BANK1: variants seen among roughly 807,000 people sequenced by gnomAD.
The protein encoded by BANK1 is B-cell scaffold protein with ankyrin repeats.
BANK1 carries 95 observed loss-of-function variants against 94.5 expected under a neutral mutation model. The ratio of observed to expected loss-of-function variants is 1.00; its 90% CI spans 0.85 to 1.19. The LOEUF (loss-of-function observed/expected upper bound fraction) is 1.19, where lower values mean the gene tolerates loss of function less well. Among genes scored for constraint, BANK1 ranks in the 50% most tolerant of loss-of-function variants. BANK1 has a pLI of 0.00. For synonymous variants in BANK1, 334 were observed against 308.4 expected (o/e 1.08, Z -0.87); for missense variants, 987 against 932.2 (o/e 1.06, Z -0.77).
At chr4:102,053,768 C>T (rs779552007) in intron 11 of BANK1, among the ~76,000 whole-genome samples, 5 of 151,294 alleles carry the variant, frequency 3.3e-5, no homozygotes, top group East Asian at 1.9e-4. Flanking sequence ...AAGAAAAATA[C>T]GTAATGTAAC....
At chr4:101,794,961 A>G (rs1184920702) in intron 1 of BANK1, among the ~76,000 whole-genome samples, 1 of 152,048 alleles carries the variant, frequency 6.6e-6, no homozygotes, top group Non-Finnish European at 1.5e-5. Context: ...CATATTATTA[A>G]TTCCCATTGC....
At chr4:101,852,468 G>A (rs977235479) in intron 2 of BANK1, among the ~76,000 whole-genome samples, 9 of 64,872 alleles carry the variant, frequency 1.4e-4, no homozygotes, top group Non-Finnish European at 1.9e-4. Context: ...AATATTTTTC[G>A]GCTATATATA....
chr4:102,007,992 TAGA>T lies in BANK1; in HGVS notation c.1207-13517_1207-13515del, dbSNP rs925147783. On this transcript the variant is annotated intron_variant, in intron 7 of 16. Coordinates refer to ENST00000322953, the MANE Select transcript of BANK1 (RefSeq NM_017935.5). ...TAAACTTTCATTTTCATTTATAGAGTAGAAGAACTTTAAACTGTAGTCAAATAT... is the reference window on the plus strand; with the variant it reads ...TAAACTTTCATTTTCATTTATAGAGTAGAACTTTAAACTGTAGTCAAATAT... 1.1e-4 allele frequency among the ~76,000 whole-genome samples: 16 copies of T among 152,258 alleles called. No individual in the cohort carries two copies. The East Asian group carries it at 2.3e-3, about 22-fold the overall frequency.
chr4:101,892,645 C>T (rs1346464019), intron 5 of BANK1, among the ~76,000 whole-genome samples: 2 of 151,786 alleles, frequency 1.3e-5, no homozygotes, highest in African/African-American at 4.8e-5. Flanking sequence ...AGTTCATTAA[C>T]TAAAGTCTTA....
At chr4:101,791,041 CG>C (rs1724965208) in intron 1 of BANK1, 91 bp downstream of exon 1, 2 of 1,076,506 alleles carry the variant, frequency 1.9e-6, no homozygotes, top group Admixed American at 6.3e-5. Flanking sequence ...CAACTGCACT[CG>C]GGCACTGAGG....
intron 6 of BANK1, among the ~76,000 whole-genome samples, chr4:101,898,668 A>G (rs1180327902): frequency 1.3e-5 from 2 of 152,044 alleles, no homozygotes; most frequent in Non-Finnish European, 2.9e-5. Flanking sequence ...GTGAAATGCT[A>G]TATCAACCAA....
At chr4:102,010,005 G>A (rs759106204) in intron 7 of BANK1, among the ~76,000 whole-genome samples, 4 of 152,140 alleles carry the variant, frequency 2.6e-5, no homozygotes, top group Non-Finnish European at 4.4e-5. Context: ...CGTGGCTCAC[G>A]CCTGTAATCC....
chr4:102,033,539 C>G (rs1221954735), intron 10 of BANK1, among the ~76,000 whole-genome samples: 1 of 152,122 alleles, frequency 6.6e-6, no homozygotes, highest in African/African-American at 2.4e-5. Context: ...TTTGTACATG[C>G]AATGTTGCAA....
intron 1 of BANK1, among the ~76,000 whole-genome samples, chr4:101,823,582 A>G (rs1726255471): frequency 6.6e-6 from 1 of 152,230 alleles, no homozygotes; most frequent in Admixed American, 6.5e-5. Context: ...TGGGCCAACT[A>G]GACATAAAAA....
At chr4:101,848,206 G>T (rs540360604) in intron 2 of BANK1, among the ~76,000 whole-genome samples, 7 of 152,160 alleles carry the variant, frequency 4.6e-5, no homozygotes, top group African/African-American at 1.4e-4. Context: ...CATAGTTTTG[G>T]GGGGGGTCTC....
chr4:102,064,448 A>T, intron 13 of BANK1, among the ~76,000 whole-genome samples: 1 of 152,310 alleles, frequency 6.6e-6, no homozygotes, highest in Non-Finnish European at 1.5e-5. Flanking sequence ...TATCACCTAT[A>T]CATTATTGTT....
intron 6 of BANK1, among the ~76,000 whole-genome samples, chr4:101,896,984 G>A (rs1331742004): frequency 6.6e-6 from 1 of 151,906 alleles, no homozygotes; most frequent in African/African-American, 2.4e-5. Flanking sequence ...ATGTTCCAAT[G>A]TATACTTAAT....
intron 10 of BANK1, among the ~76,000 whole-genome samples, chr4:102,031,287 G>T (rs1276973780): frequency 1.3e-5 from 2 of 151,956 alleles, no homozygotes; most frequent in Non-Finnish European, 2.9e-5. Context: ...TTGATGGGGG[G>T]TTGTTTTTTC....
At chr4:101,861,099 A>G (rs1424883583) in intron 3 of BANK1, among the ~76,000 whole-genome samples, 1 of 151,818 alleles carries the variant, frequency 6.6e-6, no homozygotes, top group Non-Finnish European at 1.5e-5. Flanking sequence ...GTGGGGCAAG[A>G]GCAACAAGTG....
chr4:101,874,795 ACT>A (rs1436895020), intron 5 of BANK1, among the ~76,000 whole-genome samples: 4 of 152,174 alleles, frequency 2.6e-5, no homozygotes, highest in African/African-American at 9.7e-5. Flanking sequence ...ATGCATGAAC[ACT>A]GTGTTTTTCA....
intron 7 of BANK1, among the ~76,000 whole-genome samples, chr4:101,965,313 T>C (rs1210526699): frequency 6.7e-6 from 1 of 148,322 alleles, no homozygotes; most frequent in Non-Finnish European, 1.5e-5. Flanking sequence ...TCCATTGCAA[T>C]ATGTCTGCAT....
In BANK1 at chr4:101,861,914, A is replaced by G. The variant is rs187078623; in HGVS notation, c.625-612A>G. On this transcript the variant is annotated intron_variant, in intron 3 of 16. Coordinates refer to ENST00000322953, the MANE Select transcript of BANK1 (RefSeq NM_017935.5). ...TTCACCTTATACATTTGGCCTCTCC[A>G]TCTTAATTAAATCTAGAAACTTTAG... Among the ~76,000 whole-genome samples, 4 of 152,174 alleles carry G rather than the reference A, an allele frequency of 2.6e-5. No homozygotes were observed. In the East Asian group the frequency reaches 5.8e-4, roughly 22 times the overall value.
rs1420285454 is a variant in BANK1 at position 102,007,097 on chromosome 4, A to T, written c.1207-14417A>T. Among the ~76,000 whole-genome samples, 4 of 77,028 alleles carry T rather than the reference A, an allele frequency of 5.2e-5. No individual in the cohort carries two copies. In the South Asian group the frequency reaches 1.4e-3, roughly 27 times the overall value. The allele number at this position is 77,028 out of a possible 152,430, so 50.5% of individuals were successfully genotyped here. Reference sequence around the variant, plus strand: ...ATATATATAAATATATATATAATATATTTATATATATATAAATATATATTT... The same window carrying T: ...ATATATATAAATATATATATAATATTTTTATATATATATAAATATATATTT... On this transcript the variant is annotated intron_variant, in intron 7 of 16. Transcript: ENST00000322953.
chr4:102,045,526 T>C (rs547185460), intron 11 of BANK1, among the ~76,000 whole-genome samples: 79 of 152,210 alleles, frequency 5.2e-4, no homozygotes, highest in African/African-American at 1.9e-3. Flanking sequence ...ACGACATGAT[T>C]GTATATCTAG....
Sources: gnomAD v4.1 joint callset for allele counts (sites outside exome capture counted in the v4.1 genomes callset) on GRCh38, gnomAD v4.1.1 for gene constraint, MANE v1.5 for transcripts, NCBI Gene and HGNC (gene_info 2026-07-23, HGNC 2026-07-21) for gene names.